CPS1: variants seen among roughly 807,000 people sequenced by gnomAD.
CPS1 encodes the protein carbamoyl-phosphate synthase [ammonia], mitochondrial.
CPS1 carries 109 observed loss-of-function variants against 174.6 expected under a neutral mutation model. The observed-to-expected ratio is 0.62, with a 90% CI of 0.53 to 0.73. The LOEUF (loss-of-function observed/expected upper bound fraction) is 0.73, where lower values mean the gene tolerates loss of function less well. Ranked by LOEUF, CPS1 falls within the 30% of genes least tolerant of loss-of-function variation. The pLI, the probability that CPS1 is intolerant of heterozygous loss-of-function variation, is 0.00. For missense variants in CPS1, 1,689 were observed against 1,821.9 expected (o/e 0.93, Z 1.33); for synonymous variants, 637 against 632.0 (o/e 1.01, Z -0.12).
intron 1 of CPS1, among the ~76,000 whole-genome samples, chr2:210,520,986 C>T (rs1044004418): frequency 2.3e-4 from 35 of 152,004 alleles, no homozygotes; most frequent in African/African-American, 6.5e-4. Context: ...GTGGATCATG[C>T]GGTGAGTGTA....
chr2:210,597,156 T>A (rs7598448), intron 13 of CPS1, among the ~76,000 whole-genome samples: 94,215 of 151,662 alleles, frequency 0.62, 30,183 homozygotes, highest in African/African-American at 0.78. Context: ...TTTCTTTAGT[T>A]GTGAGGCTTT....
At position 210,602,197 on chromosome 2, in the gene CPS1, G is replaced by T; in HGVS notation, c.1708-5G>T. 1 of 1,612,082 alleles carries T rather than the reference G, an allele frequency of 6.2e-7. No individual in the cohort carries two copies. Among genetic ancestry groups the T allele is most frequent in the South Asian group, 1.1e-5 (1 of 91,054 alleles). On this transcript the variant is annotated splice_polypyrimidine_tract_variant and splice_region_variant and intron_variant, in intron 15 of 37. Coordinates refer to ENST00000233072, the MANE Select transcript of CPS1 (RefSeq NM_001875.5). The stretch of plus-strand genomic sequence containing the variant: ...AAAATGTTGAGTCCTTGTTCTTGTT[G>T]ACAGATTGAGGATGCACTGAAGGCA...
rs1415878829 is a variant in CPS1 at position 210,591,931 on chromosome 2, A to G, written c.1048A>G (p.Lys350Glu). Residue 350 changes from lysine to glutamate, a missense_variant, in exon 10 of 38, where the codon AAA (lysine) becomes GAA (glutamate). Coordinates refer to ENST00000233072, the MANE Select transcript of CPS1 (RefSeq NM_001875.5). ...GGACAACACCCTCCCTGCTGGCTGG[A>G]AACCACTTTTTGTGAATGTCAACGA... Reference protein sequence around the residue: ...ALDNTLPAGWKPLFVNVNDQT... With the variant: ...ALDNTLPAGWEPLFVNVNDQT... The G allele has an allele frequency of 6.2e-7, 1 of 1,612,140 alleles. No individual in the cohort carries two copies. The highest frequency in any genetic ancestry group is 1.7e-5 in the Admixed American group (1 of 59,802).
chr2:210,535,688 A>G (rs1485003118), intron 1 of CPS1, among the ~76,000 whole-genome samples: 3 of 152,216 alleles, frequency 2.0e-5, no homozygotes, highest in Non-Finnish European at 4.4e-5. Context: ...TGGGTAAGGT[A>G]GGAAACACAA....
intron 24 of CPS1, among the ~76,000 whole-genome samples, chr2:210,641,441 G>A (rs1338232231): frequency 6.6e-6 from 1 of 151,948 alleles, no homozygotes; most frequent in Admixed American, 6.6e-5. Flanking sequence ...TTCTATAACA[G>A]CATTAATCTA....
At chr2:210,660,859 A>G (rs779794900) in intron 32 of CPS1, among the ~76,000 whole-genome samples, 20 of 152,218 alleles carry the variant, frequency 1.3e-4, no homozygotes, top group Admixed American at 2.0e-4. Context: ...AATTTTTAAA[A>G]CCATCTAGAA....
At chr2:210,662,981 G>T in intron 32 of CPS1, 142 bp from the exon 33 acceptor site, 1 of 811,842 alleles carries the variant, frequency 1.2e-6, no homozygotes, top group Non-Finnish European at 2.0e-6. Context: ...TCGGATGCTT[G>T]GACCCAAGAG....
chr2:210,613,070 A>G (rs1699184161), intron 20 of CPS1, among the ~76,000 whole-genome samples: 1 of 151,888 alleles, frequency 6.6e-6, no homozygotes, highest in Non-Finnish European at 1.5e-5. Context: ...ATCAAACCGC[A>G]CTGGTTCTAC....
chr2:210,606,784 A>T lies in CPS1; in HGVS notation c.2035A>T (p.Met679Leu), dbSNP rs1315577017. The change falls in exon 18 of 38, where the codon ATG becomes TTG. Residue 679 changes from methionine (M) to leucine (L), a missense_variant. Physicochemically the swap from Met to Leu is conservative, Grantham distance 15 (BLOSUM62 2). Transcript: ENST00000233072. ...GACACTCTCCAATGCCGAGTTTCAG[A>T]TGTTGAGACGTACTTCAATCAATGT... ...AQTLSNAEFQ[M>L]LRRTSINVVR... 2 of 1,612,588 alleles carry T rather than the reference A, an allele frequency of 1.2e-6. No individual in the cohort carries two copies. Among genetic ancestry groups the T allele is most frequent in the East Asian group, 2.2e-5 (1 of 44,802 alleles).
intron 5 of CPS1, among the ~76,000 whole-genome samples, chr2:210,580,238 A>G (rs1172164584): frequency 6.6e-6 from 1 of 152,142 alleles, no homozygotes; most frequent in Non-Finnish European, 1.5e-5. Context: ...TTAATGCATT[A>G]TCTTTCATGA....
At chr2:210,494,869 A>G (rs1188323333) in intron 1 of CPS1, among the ~76,000 whole-genome samples, 5 of 152,164 alleles carry the variant, frequency 3.3e-5, no homozygotes, top group Non-Finnish European at 1.5e-5. Context: ...ATGAGGCTCA[A>G]TTGTTGGGGT....
chr2:210,513,865 A>G (rs1695601197), intron 1 of CPS1, among the ~76,000 whole-genome samples: 1 of 152,032 alleles, frequency 6.6e-6, no homozygotes, highest in Non-Finnish European at 1.5e-5. Context: ...CTTTTTGTGT[A>G]TGGTGAAAGG....
chr2:210,572,128 TC>T (rs1697520419), intron 1 of CPS1, among the ~76,000 whole-genome samples: 2 of 151,912 alleles, frequency 1.3e-5, no homozygotes, highest in South Asian at 2.1e-4. Flanking sequence ...TGCCTGTCTA[TC>T]CCCCTGACTG....
At chr2:210,518,122 G>A (rs1353695140) in intron 1 of CPS1, among the ~76,000 whole-genome samples, 1 of 151,978 alleles carries the variant, frequency 6.6e-6, no homozygotes, top group South Asian at 2.1e-4. Context: ...GTTGTGGTCT[G>A]TTGTGTCTTT....
intron 32 of CPS1, among the ~76,000 whole-genome samples, chr2:210,662,491 A>G (rs769556769): frequency 6.6e-6 from 1 of 152,216 alleles, no homozygotes; most frequent in Non-Finnish European, 1.5e-5. Context: ...AGATAAGTGG[A>G]CACATAGCGA....
chr2:210,579,811 T>G (rs546567589), intron 5 of CPS1, 41 bp downstream of exon 5: 322 of 684,260 alleles, frequency 4.7e-4, no homozygotes, highest in African/African-American at 3.3e-3. Flanking sequence ...TTTCTTCGGG[T>G]GTGTGTGTGT....
intron 5 of CPS1, among the ~76,000 whole-genome samples, chr2:210,581,699 A>G (rs1697928504): frequency 6.6e-6 from 1 of 152,148 alleles, no homozygotes; most frequent in African/African-American, 2.4e-5. Context: ...AGCACTCTGA[A>G]TTTAATAACA....
intron 33 of CPS1, among the ~76,000 whole-genome samples, chr2:210,667,901 G>A (rs1701153060): frequency 6.6e-6 from 1 of 152,172 alleles, no homozygotes; most frequent in Admixed American, 6.5e-5. Context: ...TCCATTGAGT[G>A]TTGTTGGATA....
Position 210,612,165 on chromosome 2 carries a change from C to T in CPS1, c.2440C>T (p.Arg814Trp), listed in dbSNP as rs772782772. The T allele has an allele frequency of 4.3e-6, 7 of 1,612,090 alleles. No individual in the cohort carries two copies. Among genetic ancestry groups the T allele is most frequent in the South Asian group, 1.1e-5 (1 of 91,054 alleles). The change falls in exon 20 of 38, where the codon CGG becomes TGG. Residue 814 changes from arginine to tryptophan, a missense_variant. Arg to Trp is a moderately radical substitution (Grantham distance 101, BLOSUM62 -3). Coordinates refer to ENST00000233072, the MANE Select transcript of CPS1 (RefSeq NM_001875.5). ...TFEESFQKAL[R>W]MCHPSIEGFT... ...TGAGGAGAGTTTCCAGAAAGCTTTACGGATGTGCCACCCATCTATAGAAGG... is the reference window on the plus strand; with the variant it reads ...TGAGGAGAGTTTCCAGAAAGCTTTATGGATGTGCCACCCATCTATAGAAGG...
Sources: gnomAD v4.1 joint callset for allele counts (sites outside exome capture counted in the v4.1 genomes callset) on GRCh38, gnomAD v4.1.1 for gene constraint, MANE v1.5 for transcripts, NCBI Gene and HGNC (gene_info 2026-07-23, HGNC 2026-07-21) for gene names.